MED12L: variants seen among roughly 807,000 people sequenced by gnomAD.
MED12L encodes mediator of RNA polymerase II transcription subunit 12-like protein.
In MED12L, 60 loss-of-function variants were observed where a neutral mutation model predicts 281.3. The ratio of observed to expected loss-of-function variants is 0.21; its 90% confidence interval spans 0.17 to 0.26. The LOEUF (loss-of-function observed/expected upper bound fraction) is 0.26, where lower values mean the gene tolerates loss of function less well. MED12L is among the 10% of genes least tolerant of loss of function. MED12L has a pLI of 1.00. For synonymous variants in MED12L, 974 were observed against 987.2 expected (o/e 0.99, Z 0.25); for missense variants, 2,146 against 2,680.9 (o/e 0.80, Z 4.41).
chr3:151,252,820 G>A (rs767837808), intron 16 of MED12L, among the ~76,000 whole-genome samples: 1 of 152,084 alleles, frequency 6.6e-6, no homozygotes, highest in Non-Finnish European at 1.5e-5. Context: ...AAAACCTTGA[G>A]TAAAATGTGT....
At chr3:151,300,796 T>A (rs1270464129) in intron 16 of MED12L, among the ~76,000 whole-genome samples, 1 of 152,184 alleles carries the variant, frequency 6.6e-6, no homozygotes, top group Non-Finnish European at 1.5e-5. Flanking sequence ...TCCCTGCATA[T>A]GTGCTGAGAT....
chr3:151,316,632 C>G (rs1269764742), intron 16 of MED12L: 1 of 152,160 alleles, frequency 6.6e-6, no homozygotes, highest in Non-Finnish European at 1.5e-5. Flanking sequence ...ACGGTGTCTT[C>G]AAGTTGAAAC....
chr3:151,360,417 T>A, intron 20 of MED12L, 57 bp from the exon 21 acceptor site: 1 of 1,526,480 alleles, frequency 6.6e-7, no homozygotes, highest in Non-Finnish European at 8.9e-7. Context: ...AAGAGTCAAA[T>A]GATAACCCAC....
At chr3:151,262,351 C>T (rs1739066955) in intron 16 of MED12L, among the ~76,000 whole-genome samples, 1 of 152,118 alleles carries the variant, frequency 6.6e-6, no homozygotes, top group East Asian at 1.9e-4. Flanking sequence ...TGTGGTTTGC[C>T]CCCAACTTTT....
At chr3:151,324,235 CT>C (rs1382258247) in intron 16 of MED12L, among the ~76,000 whole-genome samples, 2 of 152,136 alleles carry the variant, frequency 1.3e-5, no homozygotes, top group Non-Finnish European at 2.9e-5. Context: ...AAATGATAAT[CT>C]TTGTAAAGAG....
chr3:151,163,509 T>G (rs1256949624), intron 8 of MED12L, among the ~76,000 whole-genome samples: 1 of 152,078 alleles, frequency 6.6e-6, no homozygotes, highest in African/African-American at 2.4e-5. Context: ...AAATACTTCT[T>G]TTTTTTTAGC....
intron 11 of MED12L, among the ~76,000 whole-genome samples, chr3:151,172,382 C>G (rs368296372): frequency 2.6e-5 from 4 of 152,170 alleles, no homozygotes. Context: ...TTATTACTGA[C>G]TGATGTATAT....
At chr3:151,160,998 G>T (rs1207264954) in intron 8 of MED12L, among the ~76,000 whole-genome samples, 1 of 152,206 alleles carries the variant, frequency 6.6e-6, no homozygotes. Flanking sequence ...TGTGTAGGTG[G>T]GTGTTAGTGG....
chr3:151,303,757 C>T (rs910635981), intron 16 of MED12L, among the ~76,000 whole-genome samples: 5 of 151,628 alleles, frequency 3.3e-5, no homozygotes, highest in Non-Finnish European at 7.4e-5. Flanking sequence ...GGTGAGACTC[C>T]GTCTCAAAAC....
intron 19 of MED12L, 78 bp downstream of exon 19, chr3:151,356,117 T>G: frequency 7.0e-7 from 1 of 1,429,176 alleles, no homozygotes; most frequent in South Asian, 1.4e-5. Context: ...GTGAGCCAAT[T>G]AGCTGGGCAC....
chr3:151,261,907 A>G (rs956176520), intron 16 of MED12L, among the ~76,000 whole-genome samples: 4 of 152,052 alleles, frequency 2.6e-5, no homozygotes, highest in African/African-American at 9.7e-5. Context: ...TTGTATTTTT[A>G]GTAGAGACGG....
intron 39 of MED12L, among the ~76,000 whole-genome samples, chr3:151,398,143 A>C (rs867486692): frequency 6.6e-6 from 1 of 152,230 alleles, no homozygotes; most frequent in African/African-American, 2.4e-5. Flanking sequence ...AAAGTTTCTT[A>C]GTAGCCTTAA....
At chr3:151,338,796 C>T in intron 16 of MED12L, 1 of 1,613,876 alleles carries the variant, frequency 6.2e-7, no homozygotes, top group Non-Finnish European at 8.5e-7. Context: ...GTCTCTGGTG[C>T]ACAGACTGGT....
intron 17 of MED12L, among the ~76,000 whole-genome samples, chr3:151,350,952 A>G (rs1753163712): frequency 6.6e-6 from 1 of 152,202 alleles, no homozygotes; most frequent in South Asian, 2.1e-4. Flanking sequence ...AAATTATTTT[A>G]AATATATAAT....
chr3:151,409,380 T>C (rs769991183), intron 40 of MED12L, 48 bp downstream of exon 40: 2 of 1,553,266 alleles, frequency 1.3e-6, no homozygotes, highest in Non-Finnish European at 1.8e-6. Context: ...CAAAGCTCTT[T>C]ATTGGAGGTG....
intron 31 of MED12L, among the ~76,000 whole-genome samples, chr3:151,378,744 A>G (rs995577315): frequency 6.6e-6 from 1 of 152,170 alleles, no homozygotes; most frequent in African/African-American, 2.4e-5. Context: ...TAATGTGAAA[A>G]TGCCAAGAAA....
intron 40 of MED12L, 23 bp downstream of exon 40, chr3:151,409,355 T>A: frequency 6.2e-7 from 1 of 1,609,224 alleles, no homozygotes; most frequent in Non-Finnish European, 8.5e-7. Context: ...GCTTTGTAGG[T>A]ACTGACAGGA....
intron 16 of MED12L, among the ~76,000 whole-genome samples, chr3:151,291,906 T>C (rs758431328): frequency 1.3e-5 from 2 of 152,214 alleles, no homozygotes; most frequent in Non-Finnish European, 2.9e-5. Flanking sequence ...TAGCCTACGT[T>C]TGAAGATATT....
chr3:151,304,328 C>T (rs1232360761), intron 16 of MED12L, among the ~76,000 whole-genome samples: 3 of 152,212 alleles, frequency 2.0e-5, no homozygotes, highest in African/African-American at 7.2e-5. Flanking sequence ...GTAATCCCAG[C>T]ACTGGGTGGC....
Sources: gnomAD v4.1 joint callset for allele counts (sites outside exome capture counted in the v4.1 genomes callset) on GRCh38, gnomAD v4.1.1 for gene constraint, MANE v1.5 for transcripts, NCBI Gene and HGNC (gene_info 2026-07-23, HGNC 2026-07-21) for gene names.